Variants in ENOX1 observed in about 807,000 individuals in gnomAD.
ENOX1 encodes ecto-NOX disulfide-thiol exchanger 1, also known as candidate growth-related and time keeping constitutive hydroquinone (NADH) oxidase.
ENOX1 carries 42 observed loss-of-function variants against 82.5 expected under a neutral mutation model. That is an observed-to-expected ratio of 0.51 (90% CI 0.40 to 0.66). The LOEUF (loss-of-function observed/expected upper bound fraction) is 0.66, where lower values mean the gene tolerates loss of function less well. Among genes scored for constraint, ENOX1 ranks in the 30% least tolerant of loss-of-function variants. ENOX1 has a pLI of 0.00. For missense variants in ENOX1, 608 were observed against 811.6 expected (o/e 0.75, Z 3.05); for synonymous variants, 271 against 282.2 (o/e 0.96, Z 0.40).
intron 2 of ENOX1, among the ~76,000 whole-genome samples, chr13:43,653,767 TC>T (rs1344269570): frequency 3.1e-5 from 1 of 32,716 alleles, no homozygotes; most frequent in Non-Finnish European, 7.0e-5. Context: ...TACCTACTCT[TC>T]TTAGCAAGCA....
At chr13:43,333,109 A>G (rs1173327224) in intron 9 of ENOX1, among the ~76,000 whole-genome samples, 3 of 152,198 alleles carry the variant, frequency 2.0e-5, no homozygotes, top group African/African-American at 7.2e-5. Context: ...ATCTATTCAT[A>G]TGTATGTTAT....
chr13:43,703,773 A>G (rs1483842906), intron 1 of ENOX1, among the ~76,000 whole-genome samples: 1 of 152,162 alleles, frequency 6.6e-6, no homozygotes, highest in African/African-American at 2.4e-5. Flanking sequence ...CCCTATGCTT[A>G]CCAGTTCTAT....
At chr13:43,488,063 T>C (rs2153659963) in intron 2 of ENOX1, among the ~76,000 whole-genome samples, 1 of 152,320 alleles carries the variant, frequency 6.6e-6, no homozygotes, top group East Asian at 1.9e-4. Flanking sequence ...CCATACAATA[T>C]TGTACTGAAC....
intron 1 of ENOX1, among the ~76,000 whole-genome samples, chr13:43,753,868 T>C (rs1156958691): frequency 6.6e-6 from 1 of 152,146 alleles, no homozygotes; most frequent in African/African-American, 2.4e-5. Flanking sequence ...CTTTTGGTCT[T>C]GATTCTTTTC....
At chr13:43,339,155 C>G (rs745338727) in intron 9 of ENOX1, among the ~76,000 whole-genome samples, 45 of 152,330 alleles carry the variant, frequency 3.0e-4, no homozygotes, top group Non-Finnish European at 4.7e-4. Context: ...TAGAGGGTAA[C>G]TGATGGACTT....
intron 2 of ENOX1, among the ~76,000 whole-genome samples, chr13:43,655,979 A>G (rs1040067394): frequency 3.3e-5 from 5 of 152,202 alleles, no homozygotes; most frequent in Admixed American, 1.3e-4. Context: ...CAATGTGAGT[A>G]ATCACTGTCT....
At chr13:43,633,688 ATGTG>A (rs59390732) in intron 2 of ENOX1, among the ~76,000 whole-genome samples, 88,702 of 150,064 alleles carry the variant, frequency 0.59, 26,495 homozygotes, top group East Asian at 0.81. Context: ...AAATGTGTGT[ATGTG>A]TGTGTGTGTG....
intron 14 of ENOX1, among the ~76,000 whole-genome samples, chr13:43,243,443 C>A (rs1186254939): frequency 1.3e-5 from 2 of 152,150 alleles, no homozygotes; most frequent in Admixed American, 6.5e-5. Flanking sequence ...GCTCTACTCT[C>A]GGTTCTACGT....
intron 3 of ENOX1, among the ~76,000 whole-genome samples, chr13:43,462,290 C>T (rs1290270430): frequency 6.6e-6 from 1 of 152,192 alleles, no homozygotes; most frequent in Admixed American, 6.5e-5. Context: ...AATTTCTGCG[C>T]CATTTGTCTT....
At chr13:43,416,979 C>T (rs935087057) in intron 3 of ENOX1, among the ~76,000 whole-genome samples, 20 of 152,290 alleles carry the variant, frequency 1.3e-4, no homozygotes, top group East Asian at 1.2e-3. Flanking sequence ...GAGGCCGGGG[C>T]GGGCAGATCA....
intron 12 of ENOX1, among the ~76,000 whole-genome samples, chr13:43,283,872 T>A (rs2045545962): frequency 6.6e-6 from 1 of 152,132 alleles, no homozygotes; most frequent in Non-Finnish European, 1.5e-5. Context: ...TTTTGATATA[T>A]TATGTTTTAA....
chr13:43,667,589 A>T, intron 1 of ENOX1, 45 bp from the exon 2 acceptor site: 1 of 679,086 alleles, frequency 1.5e-6, no homozygotes, highest in South Asian at 6.6e-5. Flanking sequence ...TCAAACATCA[A>T]TTTCAGAGAG....
intron 9 of ENOX1, 140 bp from the exon 10 acceptor site, chr13:43,326,665 T>C (rs892497727): frequency 2.8e-6 from 2 of 718,210 alleles, no homozygotes; most frequent in Non-Finnish European, 4.8e-6. Flanking sequence ...TTTGTGCCTT[T>C]CGTACTTACA....
chr13:43,772,667 T>C (rs1443170865), intron 1 of ENOX1, among the ~76,000 whole-genome samples: 1 of 145,720 alleles, frequency 6.9e-6, no homozygotes, highest in Non-Finnish European at 1.5e-5. Context: ...GAGAATCACA[T>C]GAACCCAGAA....
intron 14 of ENOX1, among the ~76,000 whole-genome samples, chr13:43,264,237 C>G (rs189662711): frequency 6.6e-6 from 1 of 152,306 alleles, no homozygotes; most frequent in East Asian, 1.9e-4. Flanking sequence ...CAGGCTGATA[C>G]ATTTAATAAG....
chr13:43,764,629 G>GA lies in ENOX1; in HGVS notation c.-285+22022dup, dbSNP rs796072069. Among the ~76,000 whole-genome samples the GA allele has an allele frequency of 1.5e-3, 219 of 144,626 alleles. 1 individual carries two copies. The highest frequency in any genetic ancestry group is 3.6e-3 in the African/African-American group (144 of 39,500). The allele number at this position is 144,626 out of a possible 152,430, so 94.9% of individuals were successfully genotyped here. A position where few individuals can be genotyped will look rare whatever the true frequency, so the allele number is the denominator to read the frequency against. On this transcript the variant is annotated intron_variant, in intron 1 of 16. Coordinates refer to ENST00000690772, the MANE Select transcript of ENOX1 (RefSeq NM_001347969.2). ...TACTAAGATAACATCATGGCTCTCA[G>GA]AAAAAAAAAACGGAAAGGTTTGTTC...
intron 14 of ENOX1, among the ~76,000 whole-genome samples, chr13:43,245,080 T>C (rs1252315881): frequency 2.6e-5 from 4 of 152,216 alleles, no homozygotes; most frequent in Non-Finnish European, 1.5e-5. Context: ...AGAATGGAGA[T>C]ATCCCTTCAC....
At chr13:43,390,172 G>A (rs60072937) in intron 5 of ENOX1, among the ~76,000 whole-genome samples, 1 of 152,148 alleles carries the variant, frequency 6.6e-6, no homozygotes, top group South Asian at 2.1e-4. Flanking sequence ...GCAGCCTTCA[G>A]TCAGTTTCAC....
At chr13:43,596,444 A>G (rs1005841311) in intron 2 of ENOX1, among the ~76,000 whole-genome samples, 8 of 152,218 alleles carry the variant, frequency 5.3e-5, no homozygotes, top group Admixed American at 5.2e-4. Context: ...GGTAGGACAG[A>G]TCCTTCCTCT....
Sources: gnomAD v4.1 joint callset for allele counts (sites outside exome capture counted in the v4.1 genomes callset) on GRCh38, gnomAD v4.1.1 for gene constraint, MANE v1.5 for transcripts, NCBI Gene and HGNC (gene_info 2026-07-23, HGNC 2026-07-21) for gene names.